Variants in SMIM14 observed in about 807,000 individuals in gnomAD.
SMIM14 encodes the protein chromosome 4 open reading frame 34.
In SMIM14, 5 loss-of-function variants were observed where a neutral mutation model predicts 12.6. The ratio of observed to expected loss-of-function variants is 0.40; its 90% confidence interval spans 0.21 to 0.83. The LOEUF (loss-of-function observed/expected upper bound fraction) is 0.83. SMIM14 is among the 40% of genes least tolerant of loss of function. SMIM14 has a pLI of 0.37. For synonymous variants in SMIM14, 30 were observed against 40.1 expected (o/e 0.75, Z 0.95); for missense variants, 86 against 119.1 (o/e 0.72, Z 1.29).
At chr4:39,556,607 T>C (rs1222803626) in intron 3 of SMIM14, 37 bp from the exon 4 acceptor site, 5 of 1,532,534 alleles carry the variant, frequency 3.3e-6, no homozygotes, top group Non-Finnish European at 3.5e-6. Context: ...GCTCACAATA[T>C]TGTTAAAAGT....
chr4:39,562,140 G>C (rs975142355), intron 3 of SMIM14, among the ~76,000 whole-genome samples: 6 of 151,644 alleles, frequency 4.0e-5, no homozygotes, highest in Admixed American at 1.3e-4. Context: ...CTAGGAGGCC[G>C]AGGCAGGAGG....
chr4:39,631,646 G>A (rs545110112), intron 1 of SMIM14, among the ~76,000 whole-genome samples: 12 of 144,736 alleles, frequency 8.3e-5, no homozygotes, highest in Non-Finnish European at 1.5e-4. Flanking sequence ...GCCACAGAGC[G>A]AGACTCCGTC....
chr4:39,597,262 C>T (rs1208760988), intron 2 of SMIM14, among the ~76,000 whole-genome samples: 1 of 151,766 alleles, frequency 6.6e-6, no homozygotes, highest in Non-Finnish European at 1.5e-5. Flanking sequence ...AAAATGAAAA[C>T]CCTGAGCCTA....
At chr4:39,552,306 A>ACCATC (rs1184481013) in intron 4 of SMIM14, 148 bp from the exon 5 acceptor site, 4 of 538,316 alleles carry the variant, frequency 7.4e-6, no homozygotes, top group African/African-American at 5.9e-5. Context: ...AATGCCCCCA[A>ACCATC]CCATCCCATC....
At chr4:39,554,654 C>CTTT (rs111326390) in intron 4 of SMIM14, among the ~76,000 whole-genome samples, 147 of 95,150 alleles carry the variant, frequency 1.5e-3, no homozygotes, top group Admixed American at 2.4e-3. Flanking sequence ...GGAAATTTTC[C>CTTT]TTTTTTTTTT....
chr4:39,593,005 A>G (rs1356999686), intron 2 of SMIM14: 2 of 151,870 alleles, frequency 1.3e-5, no homozygotes, highest in African/African-American at 4.8e-5. Context: ...TCCTTCTGAA[A>G]CTATTCCAAT....
chr4:39,632,852 C>T (rs1034472755), intron 1 of SMIM14, among the ~76,000 whole-genome samples: 2 of 150,704 alleles, frequency 1.3e-5, no homozygotes, highest in Non-Finnish European at 2.9e-5. Context: ...ACCTTTATGT[C>T]TCAGGAAGAT....
chr4:39,576,161 C>G (rs1307461949), intron 2 of SMIM14, among the ~76,000 whole-genome samples: 1 of 150,600 alleles, frequency 6.6e-6, no homozygotes, highest in Non-Finnish European at 1.5e-5. Context: ...TCCCAAAGTG[C>G]TGGGATTACA....
intron 2 of SMIM14, among the ~76,000 whole-genome samples, chr4:39,604,441 G>A (rs1324137524): frequency 1.3e-5 from 2 of 151,846 alleles, no homozygotes; most frequent in African/African-American, 4.8e-5. Context: ...GGAGGCTGAG[G>A]CAGGAGAATC....
At chr4:39,563,933 A>G (rs1712448798) in intron 3 of SMIM14, among the ~76,000 whole-genome samples, 1 of 149,786 alleles carries the variant, frequency 6.7e-6, no homozygotes. Flanking sequence ...TTCTTCTTCT[A>G]TTATTATTAT....
intron 3 of SMIM14, among the ~76,000 whole-genome samples, chr4:39,567,529 G>A (rs142160737): frequency 0.044 from 6,659 of 152,220 alleles, 186 homozygotes; most frequent in Non-Finnish European, 0.069. Flanking sequence ...ACGAGGTCAG[G>A]AGTTCGAGAC....
intron 1 of SMIM14, among the ~76,000 whole-genome samples, chr4:39,605,889 C>T (rs944116326): frequency 4.6e-5 from 7 of 152,224 alleles, no homozygotes; most frequent in Middle Eastern, 6.8e-3. Flanking sequence ...TACAGGCATG[C>T]ACCACGCCCG....
In SMIM14 at chr4:39,564,339, T is replaced by G. The variant is rs557570008; in HGVS notation, c.125-7769A>C. ...AAGGGTGATCTCTATCATTCCCTAATGTAGATCTGTTATTCTCCTACAGGC... is the reference window on the plus strand; with the variant it reads ...AAGGGTGATCTCTATCATTCCCTAAGGTAGATCTGTTATTCTCCTACAGGC... On this transcript the variant is annotated intron_variant, in intron 3 of 4. Coordinates refer to ENST00000295958, the MANE Select transcript of SMIM14 (RefSeq NM_174921.3). Among the ~76,000 whole-genome samples, 5 of 152,300 alleles carry G rather than the reference T, an allele frequency of 3.3e-5. No homozygotes were observed. The South Asian group carries it at 1.0e-3, about 32-fold the overall frequency.
At chr4:39,580,868 T>C (rs1713459939) in intron 2 of SMIM14, among the ~76,000 whole-genome samples, 1 of 152,116 alleles carries the variant, frequency 6.6e-6, no homozygotes, top group African/African-American at 2.4e-5. Flanking sequence ...ATGAAAAAGA[T>C]AAACACAACC....
intron 3 of SMIM14, among the ~76,000 whole-genome samples, chr4:39,562,406 AC>A (rs1445824846): frequency 6.6e-6 from 1 of 151,938 alleles, no homozygotes; most frequent in East Asian, 1.9e-4. Context: ...AAACAAACAA[AC>A]AAAAAATCCC....
In SMIM14 at chr4:39,591,846, G is replaced by A. The variant is rs918418586; in HGVS notation, c.75+13225C>T. On this transcript the variant is annotated intron_variant, in intron 2 of 4. Transcript: ENST00000295958. The stretch of plus-strand genomic sequence containing the variant: ...CTCCCAAAGTGCTGGGATTACAGGC[G>A]TAAGCCACCCCACCCGGCCCTATAA... Among the ~76,000 whole-genome samples the A allele has an allele frequency of 5.3e-5, 8 of 152,100 alleles. No individual in the cohort carries two copies. The East Asian group carries it at 1.2e-3, about 22-fold the overall frequency.
At chr4:39,638,448 T>G in intron 1 of SMIM14, 1 of 985,334 alleles carries the variant, frequency 1.0e-6, no homozygotes, top group Non-Finnish European at 1.2e-6. Flanking sequence ...AATCTGATCC[T>G]AAAAATAAAA....
At chr4:39,606,578 T>G (rs189548464) in intron 1 of SMIM14, among the ~76,000 whole-genome samples, 25 of 149,640 alleles carry the variant, frequency 1.7e-4, no homozygotes, top group African/African-American at 6.2e-4. Context: ...GAGGCAGATG[T>G]TGCAGTGAGC....
At chr4:39,614,777 TAAACA>T (rs1205966178) in intron 1 of SMIM14, among the ~76,000 whole-genome samples, 5 of 152,142 alleles carry the variant, frequency 3.3e-5, no homozygotes, top group African/African-American at 4.8e-5. Context: ...AAGGGCAAAA[TAAACA>T]AACATGTCTG....
Sources: gnomAD v4.1 joint callset for allele counts (sites outside exome capture counted in the v4.1 genomes callset) on GRCh38, gnomAD v4.1.1 for gene constraint, MANE v1.5 for transcripts, NCBI Gene and HGNC (gene_info 2026-07-23, HGNC 2026-07-21) for gene names.